ACBD5: variants seen among roughly 807,000 people sequenced by gnomAD.
ACBD5 encodes the protein acyl-CoA binding domain containing 5, also known as acyl-CoA-binding domain-containing protein 5.
ACBD5 carries 40 observed loss-of-function variants against 71.8 expected under a neutral mutation model. The ratio of observed to expected loss-of-function variants is 0.56; its 90% CI spans 0.43 to 0.72. The LOEUF is 0.72. Ranked by LOEUF, ACBD5 falls within the 30% of genes least tolerant of loss-of-function variation. The probability of loss-of-function intolerance (pLI) is 0.00; values close to 1 mark genes in which losing one functional copy is unlikely to be tolerated. For synonymous variants in ACBD5, 229 were observed against 218.6 expected, an observed-to-expected ratio of 1.05 and a Z score of -0.42; for missense variants, 559 against 644.5, an observed-to-expected ratio of 0.87 and a Z score of 1.44.
intron 7 of ACBD5, 146 bp downstream of exon 7, chr10:27,217,834 A>C: frequency 1.2e-6 from 1 of 826,576 alleles, no homozygotes; most frequent in Non-Finnish European, 1.9e-6. Flanking sequence ...CTCTTTTTCA[A>C]AACTATAAAT....
rs78802856 is a variant in ACBD5, at chr10:27,216,849, C to T, written c.829+1131G>A. On this transcript the variant is annotated intron_variant, in intron 7 of 12. Transcript: ENST00000396271. ...CTAGGCAAGTTTGGTTCTTACATTA[C>T]GAAATGATGTTTCTTGGCCGGGCAC... Among the ~76,000 whole-genome samples the T allele has an allele frequency of 3.6e-3, 546 of 152,010 alleles. 1 individual carries two copies. The highest frequency in any genetic ancestry group is 0.013 in the African/African-American group (521 of 41,506).
intron 5 of ACBD5, 31 bp from the exon 6 acceptor site, chr10:27,219,888 T>C (rs201670667): frequency 1.0e-4 from 162 of 1,609,958 alleles, no homozygotes; most frequent in Non-Finnish European, 1.6e-5. Flanking sequence ...TTACTCACAA[T>C]GTGATAATAT....
At chr10:27,237,745 C>T (rs567047211) in intron 2 of ACBD5, among the ~76,000 whole-genome samples, 4 of 151,238 alleles carry the variant, frequency 2.6e-5, no homozygotes, top group East Asian at 3.9e-4. Context: ...CTCAACCTCC[C>T]GAGTAGCTGG....
intron 2 of ACBD5, among the ~76,000 whole-genome samples, chr10:27,238,518 C>G (rs1157437319): frequency 1.3e-5 from 2 of 152,120 alleles, no homozygotes; most frequent in Non-Finnish European, 2.9e-5. Flanking sequence ...TAATTAGGGA[C>G]TTAAAAAATC....
At chr10:27,240,809 C>T (rs1157595775), upstream of ACBD5, 3 of 1,424,680 alleles carry the variant, frequency 2.1e-6, no homozygotes, top group Admixed American at 3.9e-5. This position sits in a 1 kb window ranked among gnomAD's most constrained non-coding sequence, Gnocchi z 4.1. Flanking sequence ...TCAGTCCGTG[C>T]CCTCCCCACA....
chr10:27,206,767 C>T lies in ACBD5; in HGVS notation c.1404+1479G>A, dbSNP rs150842511. ...CTGGCCTCAAGTGATCCACTCGCCT[C>T]GGCCTCCCAAAGTGCTGAAATTACA... On this transcript the variant is annotated intron_variant, in intron 10 of 12. Transcript: ENST00000396271. Among the ~76,000 whole-genome samples, 880 of 151,746 alleles carry T rather than the reference C, an allele frequency of 5.8e-3. 39 individuals carry two copies. The East Asian group carries it at 0.11, about 20-fold the overall frequency.
chr10:27,211,082 C>T lies in ACBD5; in HGVS notation c.937-1G>A. The T allele has an allele frequency of 1.2e-6, 2 of 1,613,916 alleles. No individual in the cohort carries two copies. The highest frequency in any genetic ancestry group is 1.7e-6 in the Non-Finnish European group (2 of 1,179,912). ...TGTTGGACGTAAAGCTGTCTAAAGA[C>T]TACAAATTAGAAATGACACTTAGTT... On this transcript the variant is annotated splice_acceptor_variant, in intron 8 of 12. Transcript: ENST00000396271. LOFTEE classifies it high-confidence loss of function.
At chr10:27,191,421 AG>A (rs1461089819), downstream of ACBD5, among the ~76,000 whole-genome samples, 2 of 152,184 alleles carry the variant, frequency 1.3e-5, no homozygotes, top group Non-Finnish European at 2.9e-5. Flanking sequence ...ACTAAGAGTG[AG>A]CCCCATGGTA....
At chr10:27,219,663 G>A in intron 6 of ACBD5, 60 bp downstream of exon 6, 6 of 1,599,390 alleles carry the variant, frequency 3.8e-6, no homozygotes, top group Non-Finnish European at 4.3e-6. Flanking sequence ...CAGCCCAAAT[G>A]TCTTCATACC....
chr10:27,199,324 G>A (rs1231068441), intron 12 of ACBD5, among the ~76,000 whole-genome samples: 3 of 151,670 alleles, frequency 2.0e-5, no homozygotes, highest in Admixed American at 2.0e-4. Flanking sequence ...CTGAAGTGCT[G>A]GGATTACACA....
chr10:27,189,327 T>C (rs1232795918), intron 13 of ACBD5, among the ~76,000 whole-genome samples: 2 of 152,210 alleles, frequency 1.3e-5, no homozygotes, highest in East Asian at 1.9e-4. Flanking sequence ...CGGCCAGCTA[T>C]ATACAGTTTG....
At chr10:27,208,156 A>G (rs140046853) in intron 10 of ACBD5, 90 bp downstream of exon 10, 1 of 1,336,358 alleles carries the variant, frequency 7.5e-7, no homozygotes, top group East Asian at 2.3e-5. Flanking sequence ...AGTAAAATAC[A>G]TTAATTTATG....
chr10:27,186,353 CTGTTT>C, intron 13 of ACBD5: 22 of 1,606,550 alleles, frequency 1.4e-5, no homozygotes, highest in Non-Finnish European at 1.9e-5. Context: ...TGATATCATA[CTGTTT>C]TGTTTTATAT....
intron 13 of ACBD5, among the ~76,000 whole-genome samples, chr10:27,189,110 A>G (rs184910067): frequency 1.9e-3 from 293 of 152,360 alleles, no homozygotes; most frequent in African/African-American, 6.8e-3. Flanking sequence ...ATTGGCAAAG[A>G]AACCTTATTC....
intron 8 of ACBD5, among the ~76,000 whole-genome samples, chr10:27,213,483 C>T (rs1167197271): frequency 6.6e-6 from 1 of 152,090 alleles, no homozygotes; most frequent in East Asian, 1.9e-4. Flanking sequence ...ACAAGCCGGG[C>T]GTGGTGGCTC....
At chr10:27,192,135 G>C (rs753790627), downstream of ACBD5, among the ~76,000 whole-genome samples, 1 of 151,992 alleles carries the variant, frequency 6.6e-6, no homozygotes, top group Non-Finnish European at 1.5e-5. Context: ...AGATGGAAAA[G>C]GAGACAGGAC....
chr10:27,231,879 T>A, intron 3 of ACBD5, 59 bp from the exon 4 acceptor site: 2 of 1,476,248 alleles, frequency 1.4e-6, no homozygotes, highest in Non-Finnish European at 1.9e-6. Flanking sequence ...TTGCTCAGAA[T>A]ACAATTTATA....
At chr10:27,212,948 A>T (rs1486943380) in intron 8 of ACBD5, among the ~76,000 whole-genome samples, 4 of 152,202 alleles carry the variant, frequency 2.6e-5, no homozygotes, top group Non-Finnish European at 2.9e-5. Flanking sequence ...TTATGAAATG[A>T]GAAAAGGAGA....
At chr10:27,239,009 C>T (rs1278215346) in intron 2 of ACBD5, among the ~76,000 whole-genome samples, 4 of 152,102 alleles carry the variant, frequency 2.6e-5, no homozygotes, top group African/African-American at 9.7e-5. Context: ...ACCAGCCTGA[C>T]CAACATGGAG....
Sources: gnomAD v4.1 joint callset for allele counts (sites outside exome capture counted in the v4.1 genomes callset) on GRCh38, gnomAD v4.1.1 for gene constraint, Gnocchi (gnomAD v3.1) non-coding constraint, MANE v1.5 for transcripts, NCBI Gene and HGNC (gene_info 2026-07-23, HGNC 2026-07-21) for gene names.